The following NRF1 variants were observed in gnomAD, a reference collection of about 807,000 sequenced individuals.
The protein encoded by NRF1 is nuclear respiratory factor 1.
A neutral mutation model predicts 58.5 loss-of-function variants in NRF1; 5 were observed. The ratio of observed to expected loss-of-function variants is 0.09; its 90% confidence interval spans 0.04 to 0.18. NRF1 has a LOEUF of 0.18. NRF1 is among the 10% of genes least tolerant of loss of function. The probability of loss-of-function intolerance (pLI) is 1.00; values close to 1 mark genes in which losing one functional copy is unlikely to be tolerated. For missense variants in NRF1, 288 were observed against 657.7 expected (o/e 0.44, Z 6.15); for synonymous variants, 224 against 246.7 (o/e 0.91, Z 0.86).
At chr7:129,644,888 G>T (rs1041324882) in intron 1 of NRF1, among the ~76,000 whole-genome samples, 2 of 152,116 alleles carry the variant, frequency 1.3e-5, no homozygotes, top group Non-Finnish European at 2.9e-5. Context: ...ATATTTTGGA[G>T]AATTCTGTAT....
intron 1 of NRF1, among the ~76,000 whole-genome samples, chr7:129,613,342 T>C (rs1057106789): frequency 1.3e-5 from 2 of 152,292 alleles, no homozygotes; most frequent in East Asian, 3.9e-4. Flanking sequence ...TCCCTAAAAT[T>C]GTATTTGACA....
At chr7:129,662,965 A>T (rs1236661930) in intron 2 of NRF1, among the ~76,000 whole-genome samples, 1 of 152,192 alleles carries the variant, frequency 6.6e-6, no homozygotes, top group Non-Finnish European at 1.5e-5. Context: ...ACTCTTAACG[A>T]GCATGCTGTC....
intron 1 of NRF1, among the ~76,000 whole-genome samples, chr7:129,643,147 C>T (rs185523056): frequency 2.9e-4 from 44 of 152,206 alleles, no homozygotes; most frequent in African/African-American, 9.6e-4. Flanking sequence ...GTGGTATTGG[C>T]ACTTAAATAC....
intron 9 of NRF1, among the ~76,000 whole-genome samples, chr7:129,721,006 A>G (rs1584671256): frequency 6.6e-6 from 1 of 151,914 alleles, no homozygotes; most frequent in African/African-American, 2.4e-5. Flanking sequence ...ACATACATAC[A>G]TATATATAAT....
Position 129,709,232 on chromosome 7 carries a change from G to T in NRF1, c.764G>T (p.Arg255Met). 1.4e-6 allele frequency: 2 copies of T among 1,471,012 alleles called. No homozygotes were observed. Among genetic ancestry groups the T allele is most frequent in the South Asian group, 1.4e-5 (1 of 69,408 alleles). 91.1% of individuals were successfully genotyped at this position (1,471,012 alleles called of 1,614,324 possible). A position where few individuals can be genotyped will look rare whatever the true frequency, so the allele number is the denominator to read the frequency against. The change falls in exon 6 of 11, where the codon AGG (arginine) becomes ATG (methionine). Residue 255 changes from arginine (R) to methionine (M), a missense_variant and splice_region_variant. This residue lies in a region of NRF1 where 212 missense variants were observed against 559.7 expected (regional missense o/e 0.38). Coordinates refer to ENST00000393232, the MANE Select transcript of NRF1 (RefSeq NM_005011.5). The stretch of plus-strand genomic sequence containing the variant: ...GTCCGCACAGAAGAGCAAAAGCAGA[G>T]GGTGAGAGTTCCTCTGACTGAGTTG... ...SDVRTEEQKQRVSWTQALRTI... is the reference protein window; with the variant it reads ...SDVRTEEQKQMVSWTQALRTI...
intron 5 of NRF1, among the ~76,000 whole-genome samples, chr7:129,702,734 C>T (rs1174115325): frequency 1.3e-5 from 2 of 152,170 alleles, no homozygotes; most frequent in African/African-American, 4.8e-5. Context: ...GTAGGCTATA[C>T]AAACATAACC....
chr7:129,711,544 C>G lies in NRF1; in HGVS notation c.1033C>G (p.Gln345Glu), dbSNP rs1307759449. 2.5e-6 allele frequency: 4 copies of G among 1,612,224 alleles called. No homozygotes were observed. The highest frequency in any genetic ancestry group is 3.4e-6 in the Non-Finnish European group (4 of 1,179,132). Residue 345 changes from glutamine (Q) to glutamate (E), a missense_variant, in exon 8 of 11, where the codon CAA becomes GAA. Transcript: ENST00000393232. ...SELPTTVTVA[Q>E]VNYSAVADGE... ...ATTGCCAACCACGGTCACCGTTGCC[C>G]AAGTGAATTATTCTGCCGTGGCTGA...
intron 10 of NRF1, among the ~76,000 whole-genome samples, chr7:129,754,106 C>G (rs996660960): frequency 3.9e-5 from 6 of 152,098 alleles, no homozygotes; most frequent in Non-Finnish European, 8.8e-5. Flanking sequence ...TGGGAAGGCC[C>G]TACCCTAAGG....
intron 10 of NRF1, among the ~76,000 whole-genome samples, chr7:129,743,955 C>G (rs969941845): frequency 1.3e-5 from 2 of 152,224 alleles, no homozygotes; most frequent in African/African-American, 4.8e-5. Context: ...ATGACCTCCT[C>G]TCCCTTCAAC....
At chr7:129,683,340 A>AGC (rs1450257867) in intron 4 of NRF1, among the ~76,000 whole-genome samples, 1 of 149,560 alleles carries the variant, frequency 6.7e-6, no homozygotes, top group African/African-American at 2.5e-5. Context: ...AGAGAGAGAG[A>AGC]GAGAGAAAGA....
chr7:129,664,887 G>A (rs73159622), intron 2 of NRF1, among the ~76,000 whole-genome samples: 12,301 of 152,262 alleles, frequency 0.081, 1,108 homozygotes, highest in East Asian at 0.47. Flanking sequence ...TTAGGAGTGC[G>A]AAAGGCTTAT....
At chr7:129,622,117 A>AT (rs1283767743) in intron 1 of NRF1, among the ~76,000 whole-genome samples, 1 of 150,848 alleles carries the variant, frequency 6.6e-6, no homozygotes, top group Non-Finnish European at 1.5e-5. Flanking sequence ...GAAGAAAAGC[A>AT]CCCCCCATTA....
intron 9 of NRF1, among the ~76,000 whole-genome samples, chr7:129,722,358 T>G (rs1349997174): frequency 1.4e-5 from 2 of 148,104 alleles, no homozygotes; most frequent in Non-Finnish European, 3.0e-5. Flanking sequence ...ACCAGTGCAC[T>G]CCAGCCTGGG....
chr7:129,646,255 T>C (rs775564467), intron 1 of NRF1, among the ~76,000 whole-genome samples: 6 of 152,242 alleles, frequency 3.9e-5, no homozygotes, highest in African/African-American at 7.2e-5. Flanking sequence ...AAAAATGGGC[T>C]TCATTTTTTA....
chr7:129,671,958 T>A (rs1802057451), intron 3 of NRF1, among the ~76,000 whole-genome samples: 1 of 152,116 alleles, frequency 6.6e-6, no homozygotes, highest in South Asian at 2.1e-4. Flanking sequence ...TAGGGGGATA[T>A]AGTCAGTTTT....
chr7:129,712,015 A>G (rs1311714428), intron 8 of NRF1, among the ~76,000 whole-genome samples: 2 of 152,222 alleles, frequency 1.3e-5, no homozygotes, highest in African/African-American at 4.8e-5. Context: ...ATGCCTTTGA[A>G]AAGATTTCTT....
intron 1 of NRF1, among the ~76,000 whole-genome samples, chr7:129,651,597 C>G (rs781696031): frequency 6.6e-6 from 1 of 152,138 alleles, no homozygotes; most frequent in Non-Finnish European, 1.5e-5. Flanking sequence ...GCATAGCCTA[C>G]AAATCCCTTT....
chr7:129,640,480 A>C (rs575608715), intron 1 of NRF1, among the ~76,000 whole-genome samples: 97 of 152,174 alleles, frequency 6.4e-4, no homozygotes, highest in Non-Finnish European at 1.2e-3. Context: ...ACTGCACTCC[A>C]GCCTAGGTGA....
intron 2 of NRF1, among the ~76,000 whole-genome samples, chr7:129,667,760 T>G: frequency 6.7e-6 from 1 of 150,230 alleles, no homozygotes; most frequent in East Asian, 1.9e-4. Flanking sequence ...TATTTATTTA[T>G]TTATTTATTT....
Sources: gnomAD v4.1 joint callset for allele counts (sites outside exome capture counted in the v4.1 genomes callset) on GRCh38, gnomAD v4.1.1 for gene constraint, gnomAD v4.1.1 regional missense constraint, MANE v1.5 for transcripts, NCBI Gene and HGNC (gene_info 2026-07-23, HGNC 2026-07-21) for gene names.